Variants in C12orf60 observed in about 807,000 individuals in gnomAD.
C12orf60 encodes uncharacterized protein C12orf60.
For synonymous variants in C12orf60, 102 were observed against 94.6 expected (o/e 1.08, Z -0.45); for missense variants, 284 against 283.2 (o/e 1.00, Z -0.02).
At chr12:14,821,365 C>T (rs1312748233) in intron 1 of C12orf60, among the ~76,000 whole-genome samples, 1 of 152,204 alleles carries the variant, frequency 6.6e-6, no homozygotes, top group African/African-American at 2.4e-5. Flanking sequence ...CAGGACCTCT[C>T]TCCCTCTGGG....
chr12:14,806,141 C>A (rs1950045246), intron 1 of C12orf60: 1 of 1,613,952 alleles, frequency 6.2e-7, no homozygotes, highest in Non-Finnish European at 8.5e-7. Context: ...CCACTGCTCC[C>A]AGGATGGCAC....
At position 14,812,376 on chromosome 12, in the gene C12orf60, A is replaced by G. The variant is rs1266020323; in HGVS notation, c.-25+8625A>G. Among the ~76,000 whole-genome samples, 40 of 152,298 alleles carry G rather than the reference A, an allele frequency of 2.6e-4. No individual in the cohort carries two copies. The South Asian group carries it at 7.9e-3, about 30-fold the overall frequency. ...GGAGAATGGCATGAGCCTGGGAGGC[A>G]GAGCTTGCAGTGAGCCGAGATTGTG... is the stretch of plus-strand genomic sequence containing the variant. On this transcript the variant is annotated intron_variant, in intron 1 of 1. Coordinates refer to ENST00000330828, the MANE Select transcript of C12orf60 (RefSeq NM_175874.4).
intron 1 of C12orf60, among the ~76,000 whole-genome samples, chr12:14,808,892 C>G (rs1162049850): frequency 6.6e-6 from 1 of 152,178 alleles, no homozygotes; most frequent in African/African-American, 2.4e-5. Context: ...TGTTGATGAT[C>G]CAGTAAATAT....
chr12:14,811,545 G>T (rs1016275426), intron 1 of C12orf60, among the ~76,000 whole-genome samples: 3 of 152,190 alleles, frequency 2.0e-5, no homozygotes. Context: ...GGAGACAAAG[G>T]TTAGCTTGAG....
chr12:14,816,698 A>G (rs367959506), intron 1 of C12orf60, among the ~76,000 whole-genome samples: 10 of 151,944 alleles, frequency 6.6e-5, no homozygotes, highest in East Asian at 3.9e-4. Context: ...TACAGTGTTT[A>G]TCATACTTGC....
intron 1 of C12orf60, among the ~76,000 whole-genome samples, chr12:14,814,691 G>C (rs1330348826): frequency 6.6e-6 from 1 of 151,784 alleles, no homozygotes; most frequent in Non-Finnish European, 1.5e-5. Flanking sequence ...TCCTGTGTTT[G>C]TAAATTGTCT....
chr12:14,822,210 G>C (rs936340738), intron 1 of C12orf60, among the ~76,000 whole-genome samples: 1 of 148,448 alleles, frequency 6.7e-6, no homozygotes, highest in African/African-American at 2.5e-5. Context: ...TTGCTGTGTA[G>C]AGTGGGTTTA....
intron 1 of C12orf60, among the ~76,000 whole-genome samples, chr12:14,818,641 A>G (rs1464723838): frequency 6.6e-6 from 1 of 152,102 alleles, no homozygotes; most frequent in Non-Finnish European, 1.5e-5. Context: ...TTAGCTGGAC[A>G]TGGTGGTGTG....
intron 1 of C12orf60, among the ~76,000 whole-genome samples, chr12:14,820,096 G>C (rs1950282184): frequency 6.6e-6 from 1 of 151,968 alleles, no homozygotes; most frequent in African/African-American, 2.4e-5. Flanking sequence ...AGTTTCCATA[G>C]CTTATGTCTT....
In C12orf60 at chr12:14,806,520, A is replaced by G. The variant is rs199916742; in HGVS notation, c.-25+2769A>G. On this transcript the variant is annotated intron_variant, in intron 1 of 1. Transcript: ENST00000330828. ...GATGGTCCCATCTCTTTTCATCTCA[A>G]TGGAGGCCAGCCTGCACCCCAAGTG... is the stretch of plus-strand genomic sequence containing the variant. The G allele has an allele frequency of 2.2e-5, 36 of 1,614,042 alleles. No individual in the cohort carries two copies. Among genetic ancestry groups the G allele is most frequent in the South Asian group, 7.7e-5 (7 of 91,070 alleles).
At chr12:14,817,921 G>A (rs766659177) in intron 1 of C12orf60, among the ~76,000 whole-genome samples, 3 of 152,154 alleles carry the variant, frequency 2.0e-5, no homozygotes, top group Non-Finnish European at 4.4e-5. Context: ...CTTCCACAAT[G>A]ATTGAACTAA....
At chr12:14,805,799 G>T in intron 1 of C12orf60, 3 of 584,708 alleles carry the variant, frequency 5.1e-6, no homozygotes, top group Non-Finnish European at 8.7e-6. Context: ...TACCTCACAG[G>T]GTCTAGCATC....
intron 1 of C12orf60, among the ~76,000 whole-genome samples, chr12:14,817,084 G>GT (rs1257497980): frequency 6.6e-6 from 1 of 151,922 alleles, no homozygotes; most frequent in Non-Finnish European, 1.5e-5. Flanking sequence ...CCAATTTATC[G>GT]TTTTTTCTTT....
At chr12:14,815,133 G>C (rs895415783) in intron 1 of C12orf60, among the ~76,000 whole-genome samples, 2 of 152,148 alleles carry the variant, frequency 1.3e-5, no homozygotes, top group Non-Finnish European at 2.9e-5. Context: ...GAATGGGTGG[G>C]TACAGGATAC....
Position 14,816,744 on chromosome 12 carries a change from C to G in C12orf60, c.-24-6168C>G, listed in dbSNP as rs543062981. Among the ~76,000 whole-genome samples the G allele has an allele frequency of 2.9e-5, 4 of 137,604 alleles. No homozygotes were observed. The South Asian group carries it at 9.8e-4, about 34-fold the overall frequency. The allele number at this position is 137,604 out of a possible 152,430, so 90.3% of individuals were successfully genotyped here. A position where few individuals can be genotyped will look rare whatever the true frequency, so the allele number is the denominator to read the frequency against. ...ATTGCTGATCAGGTCTTTATATTTT[C>G]TCTTTTTTTTTTTTTTTTGAGACAG... On this transcript the variant is annotated intron_variant, in intron 1 of 1. Coordinates refer to ENST00000330828, the MANE Select transcript of C12orf60 (RefSeq NM_175874.4).
Position 14,823,578 on chromosome 12 carries a change from G to T in C12orf60, c.643G>T (p.Val215Phe), listed in dbSNP as rs767214530. 1.2e-6 allele frequency: 2 copies of T among 1,613,724 alleles called. No individual in the cohort carries two copies. The highest frequency in any genetic ancestry group is 1.7e-6 in the Non-Finnish European group (2 of 1,179,902). Residue 215 changes from valine to phenylalanine, a missense_variant, in exon 2 of 2, where the codon GTC becomes TTC. Val to Phe is a conservative substitution (Grantham distance 50). Transcript: ENST00000330828. ...AGCAGCAGATTTGTTGGAACAAATT[G>T]TCAAGGCTATGGGACCAATCTTAGA... ...KSAADLLEQI[V>F]KAMGPILEIL...
chr12:14,823,649 G>GT lies in C12orf60; in HGVS notation c.717dup (p.Lys240Ter). On this transcript the variant is annotated frameshift_variant, in exon 2 of 2. Coordinates refer to ENST00000330828, the MANE Select transcript of C12orf60 (RefSeq NM_175874.4). LOFTEE classifies it high-confidence loss of function. ...AGACTATGGAAATGAATATTTCTGTGTTTAAGAAAGCCAGTGACAAGTAGG... is the reference window on the plus strand; with the variant it reads ...AGACTATGGAAATGAATATTTCTGTGTTTTAAGAAAGCCAGTGACAAGTAGG... 6.4e-7 allele frequency: 1 copy of GT among 1,570,500 alleles called. No individual in the cohort carries two copies. Among genetic ancestry groups the GT allele is most frequent in the Non-Finnish European group, 8.6e-7 (1 of 1,161,676 alleles).
chr12:14,819,916 T>C (rs1397379461), intron 1 of C12orf60, among the ~76,000 whole-genome samples: 1 of 152,108 alleles, frequency 6.6e-6, no homozygotes, highest in East Asian at 1.9e-4. Context: ...TTCTCCCTTC[T>C]GTTTTCTGGA....
intron 1 of C12orf60, among the ~76,000 whole-genome samples, chr12:14,809,063 C>T (rs1007121182): frequency 6.6e-6 from 1 of 152,178 alleles, no homozygotes; most frequent in African/African-American, 2.4e-5. Context: ...TTCTGACTGA[C>T]AGGAGAAAAT....
Sources: gnomAD v4.1 joint callset for allele counts (sites outside exome capture counted in the v4.1 genomes callset) on GRCh38, gnomAD v4.1.1 for gene constraint, MANE v1.5 for transcripts, NCBI Gene and HGNC (gene_info 2026-07-23, HGNC 2026-07-21) for gene names.